Variants in IPO9 observed in about 807,000 individuals in gnomAD.
The protein encoded by IPO9 is importin 9.
In IPO9, 28 loss-of-function variants were observed where a neutral mutation model predicts 128.6. The ratio of observed to expected loss-of-function variants is 0.22; its 90% CI spans 0.16 to 0.30. The LOEUF is 0.30. Ranked by LOEUF, IPO9 falls within the 10% of genes least tolerant of loss-of-function variation. The pLI is 1.00. For missense variants in IPO9, 935 were observed against 1,293.9 expected (o/e 0.72, Z 4.26); for synonymous variants, 455 against 475.8 (o/e 0.96, Z 0.57).
intron 1 of IPO9, among the ~76,000 whole-genome samples, chr1:201,839,727 TCTTTAAA>T (rs1680002267): frequency 6.6e-6 from 1 of 152,152 alleles, no homozygotes; most frequent in Admixed American, 6.5e-5. Context: ...GGTGATTTTG[TCTTTAAA>T]CTTGACATAG....
intron 1 of IPO9, among the ~76,000 whole-genome samples, chr1:201,829,919 G>T (rs1329401793): frequency 6.6e-6 from 1 of 152,176 alleles, no homozygotes; most frequent in Non-Finnish European, 1.5e-5. Flanking sequence ...GAAATTAAAT[G>T]CATATGCGAT....
chr1:201,847,481 C>G, intron 2 of IPO9, 71 bp from the exon 3 acceptor site: 1 of 1,383,986 alleles, frequency 7.2e-7, no homozygotes, highest in African/African-American at 1.4e-5. Context: ...ATGTATCAGG[C>G]TATGTATATA....
chr1:201,871,700 C>CT (rs910070588), intron 19 of IPO9, among the ~76,000 whole-genome samples: 1 of 151,868 alleles, frequency 6.6e-6, no homozygotes, highest in Non-Finnish European at 1.5e-5. Context: ...ACACATATTT[C>CT]TTTTTTTTCC....
chr1:201,833,531 G>T (rs1327536243), intron 1 of IPO9, among the ~76,000 whole-genome samples: 1 of 152,120 alleles, frequency 6.6e-6, no homozygotes, highest in Non-Finnish European at 1.5e-5. Flanking sequence ...GAGCCACTGC[G>T]CCTGGCTGGA....
Position 201,876,075 on chromosome 1 carries a change from T to A in IPO9, c.*21T>A. ...TCTAAAAAGGGGAGCCTTTCTACAT[T>A]TGCTCCTTCTGGGCCAGCCGCAAAC... On this transcript the variant is annotated 3_prime_UTR_variant, in exon 24 of 24. Coordinates refer to ENST00000361565, the MANE Select transcript of IPO9 (RefSeq NM_018085.5). 1 of 1,505,424 alleles carries A rather than the reference T, an allele frequency of 6.6e-7. No homozygotes were observed. The highest frequency in any genetic ancestry group is 1.1e-5 in the South Asian group (1 of 88,840). The allele number at this position is 1,505,424 out of a possible 1,614,324, so 93.3% of individuals were successfully genotyped here.
At chr1:201,837,690 A>G (rs1257231718) in intron 1 of IPO9, among the ~76,000 whole-genome samples, 1 of 152,218 alleles carries the variant, frequency 6.6e-6, no homozygotes, top group African/African-American at 2.4e-5. Flanking sequence ...TCCCTGTAGT[A>G]ATGATCCAAA....
At chr1:201,832,810 A>G (rs1380559575) in intron 1 of IPO9, among the ~76,000 whole-genome samples, 1 of 152,150 alleles carries the variant, frequency 6.6e-6, no homozygotes, top group East Asian at 1.9e-4. Flanking sequence ...TGCCAAAAAC[A>G]TTTGTTACCT....
intron 13 of IPO9, among the ~76,000 whole-genome samples, chr1:201,861,001 A>C (rs997637216): frequency 1.3e-5 from 2 of 152,114 alleles, no homozygotes; most frequent in Non-Finnish European, 2.9e-5. Flanking sequence ...CCCCATCTCT[A>C]CTAAAAATAC....
At chr1:201,875,393 C>T (rs758086996) in intron 23 of IPO9, among the ~76,000 whole-genome samples, 165 bp downstream of exon 23, 8 of 152,102 alleles carry the variant, frequency 5.3e-5, no homozygotes, top group Non-Finnish European at 1.2e-4. Flanking sequence ...AGTTCAAGAC[C>T]AGTCTGAGCA....
rs1491386558 is a variant in IPO9 at position 201,883,172 on chromosome 1, C to CA, written c.*7118_*7119insA. 7.1e-5 allele frequency: 1 copy of CA among 14,082 alleles called. No individual in the cohort carries two copies. Among genetic ancestry groups the CA allele is most frequent in the Non-Finnish European group, 1.3e-4 (1 of 7,420 alleles). The allele number at this position is 14,082 out of a possible 1,614,324, so 0.9% of individuals were successfully genotyped here. A position where few individuals can be genotyped will look rare whatever the true frequency, so the allele number is the denominator to read the frequency against. ...TGTATTAATTTGCTTTCACTAGATT[C>CA]CCCCCCCCCCAACAACTTAGTCCAA... On this transcript the variant is annotated 3_prime_UTR_variant, in exon 24 of 24. Transcript: ENST00000361565.
At chr1:201,852,416 A>C (rs1432013209) in intron 5 of IPO9, among the ~76,000 whole-genome samples, 2 of 152,194 alleles carry the variant, frequency 1.3e-5, no homozygotes, top group African/African-American at 4.8e-5. Flanking sequence ...CACATATCGT[A>C]CTTCCTGGCA....
Position 201,842,119 on chromosome 1 carries a change from T to C in IPO9, c.164-5160T>C, listed in dbSNP as rs960178467. Among the ~76,000 whole-genome samples the C allele has an allele frequency of 4.1e-4, 62 of 152,244 alleles. 2 individuals carry two copies. Among genetic ancestry groups the C allele is most frequent in the Admixed American group, 3.0e-3 (46 of 15,302 alleles). ...CTGCCCCCACCTGCTTGGATACCAG[T>C]TGCAAGTCTAGGCCTCTGGAACTTC... On this transcript the variant is annotated intron_variant, in intron 1 of 23. Transcript: ENST00000361565.
At position 201,874,922 on chromosome 1, in the gene IPO9, C is replaced by G; in HGVS notation, c.2924C>G (p.Ala975Gly). The change falls in exon 22 of 24, where the codon GCT becomes GGT. Residue 975 changes from alanine to glycine, a missense_variant. By Grantham distance (60) the Ala-to-Gly change is moderately conservative. Around this residue, in one of 3 missense-constraint regions of IPO9, gnomAD observed 188 missense variants for 246.7 expected, o/e 0.76. Coordinates refer to ENST00000361565, the MANE Select transcript of IPO9 (RefSeq NM_018085.5). Reference protein sequence around the residue: ...LAGQLLSDILATSKYEEDYYE... With the variant: ...LAGQLLSDILGTSKYEEDYYE... ...GGCCAACTTTTATCTGACATTCTTG[C>G]TACAAGTAAATATGGTAAGCTGTTT... is the stretch of plus-strand genomic sequence containing the variant. The G allele has an allele frequency of 1.2e-6, 2 of 1,609,744 alleles. No individual in the cohort carries two copies. The highest frequency in any genetic ancestry group is 1.7e-6 in the Non-Finnish European group (2 of 1,176,028).
intron 1 of IPO9, among the ~76,000 whole-genome samples, chr1:201,839,560 CAAAAAAA>C (rs4025036): frequency 1.2e-4 from 4 of 33,950 alleles, no homozygotes; most frequent in South Asian, 7.1e-4. Flanking sequence ...GACTCCATCT[CAAAAAAA>C]AAAAAAAAAA....
chr1:201,860,045 G>A (rs1339097875), intron 13 of IPO9, among the ~76,000 whole-genome samples: 5 of 152,100 alleles, frequency 3.3e-5, no homozygotes, highest in Non-Finnish European at 7.4e-5. Context: ...TGTCTATGTG[G>A]CATTTTCTGC....
At chr1:201,861,537 G>C (rs1023066306) in intron 13 of IPO9, among the ~76,000 whole-genome samples, 1 of 152,178 alleles carries the variant, frequency 6.6e-6, no homozygotes, top group African/African-American at 2.4e-5. Context: ...AAGCTGTGAT[G>C]TTCAGTATTA....
chr1:201,863,388 A>G (rs1169275157), intron 13 of IPO9, 60 bp from the exon 14 acceptor site: 4 of 1,481,548 alleles, frequency 2.7e-6, no homozygotes, highest in Non-Finnish European at 3.6e-6. Context: ...TGGGAAAGAG[A>G]AAGAACAAGT....
Position 201,852,117 on chromosome 1 carries a change from A to G in IPO9, c.528A>G (p.Glu176=), listed in dbSNP as rs61749268. ...TTTTCTTTGTAGAATTCACTCGTGA[A>G]GTAACAGACACACAGATGCCACTTG... ...AMRVLTEFTR[E]VTDTQMPLVA... is the part of the protein sequence containing the mutation. The change falls in exon 5 of 24, where the codon GAA becomes GAG. Residue 176 remains glutamate (E), a synonymous_variant. Transcript: ENST00000361565. The G allele has an allele frequency of 1.9e-6, 3 of 1,609,738 alleles. No individual in the cohort carries two copies. The highest frequency in any genetic ancestry group is 2.6e-6 in the Non-Finnish European group (3 of 1,176,282).
intron 16 of IPO9, 78 bp from the exon 17 acceptor site, chr1:201,869,512 A>G: frequency 6.4e-7 from 1 of 1,558,196 alleles, no homozygotes; most frequent in Non-Finnish European, 8.7e-7. Context: ...TGTAATACCC[A>G]TCCAGTAAGG....
Sources: allele counts gnomAD v4.1 joint callset (sites outside exome capture counted in the v4.1 genomes callset), GRCh38; gene constraint gnomAD v4.1.1; regional missense constraint gnomAD v4.1.1; transcripts MANE v1.5; gene names NCBI Gene and HGNC (gene_info 2026-07-23, HGNC 2026-07-21).